The following DENND1B variants were observed in gnomAD, a reference collection of about 807,000 sequenced individuals.
The protein encoded by DENND1B is DENN domain containing 1B, also known as DENN domain-containing protein 1B.
Under a neutral mutation model 90.1 loss-of-function variants are expected in DENND1B, and 59 were observed. The observed-to-expected ratio is 0.65, with a 90% confidence interval of 0.53 to 0.81. The LOEUF (loss-of-function observed/expected upper bound fraction) is 0.81, where lower values mean the gene tolerates loss of function less well. Among genes scored for constraint, DENND1B ranks in the 40% least tolerant of loss-of-function variants. DENND1B has a pLI of 0.00. For missense variants in DENND1B, 862 were observed against 912.6 expected (o/e 0.94, Z 0.71); for synonymous variants, 337 against 324.6 (o/e 1.04, Z -0.41).
At chr1:197,529,995 G>A (rs1213426830) in intron 20 of DENND1B, among the ~76,000 whole-genome samples, 2 of 152,136 alleles carry the variant, frequency 1.3e-5, no homozygotes, top group African/African-American at 4.8e-5. Flanking sequence ...AGGGAAAAGG[G>A]TTGGGTTTTA....
rs1008494750 is a variant in DENND1B at position 197,509,874 on chromosome 1, C to G, written c.*586G>C. On this transcript the variant is annotated 3_prime_UTR_variant, in exon 23 of 23. Coordinates refer to ENST00000620048, the MANE Select transcript of DENND1B (RefSeq NM_001195215.2). ...TTTATATAAGCAAATTAAATATTTCCATTAAGAGAGCTTTTTAATCTTGAA... is the reference window on the plus strand; with the variant it reads ...TTTATATAAGCAAATTAAATATTTCGATTAAGAGAGCTTTTTAATCTTGAA... 6.6e-6 allele frequency: 1 copy of G among 151,930 alleles called. No individual in the cohort carries two copies. The highest frequency in any genetic ancestry group is 2.4e-5 in the African/African-American group (1 of 41,322). 9.4% of individuals were successfully genotyped at this position (151,930 alleles called of 1,614,324 possible).
chr1:197,511,997 G>A, intron 21 of DENND1B, 53 bp from the exon 22 acceptor site: 2 of 1,358,966 alleles, frequency 1.5e-6, no homozygotes, highest in Non-Finnish European at 2.0e-6. Context: ...TTTGCTGCAT[G>A]TAAGTAATCT....
chr1:197,666,499 TTTG>T (rs1384921071), intron 5 of DENND1B, among the ~76,000 whole-genome samples: 3 of 152,210 alleles, frequency 2.0e-5, no homozygotes, highest in African/African-American at 7.2e-5. Context: ...ATAAATTATT[TTTG>T]TTATCAGAAA....
chr1:197,534,193 T>A (rs1160978941), intron 20 of DENND1B, among the ~76,000 whole-genome samples: 2 of 152,220 alleles, frequency 1.3e-5, no homozygotes, highest in African/African-American at 4.8e-5. Flanking sequence ...AACATGACAG[T>A]GATGCTACTC....
chr1:197,635,161 A>G (rs1273241868), intron 10 of DENND1B, among the ~76,000 whole-genome samples: 2 of 152,246 alleles, frequency 1.3e-5, no homozygotes, highest in Non-Finnish European at 2.9e-5. Context: ...CTACTTGACA[A>G]AGATACACTT....
chr1:197,761,887 T>C (rs1655094255), intron 2 of DENND1B: 1 of 151,674 alleles, frequency 6.6e-6, no homozygotes, highest in Non-Finnish European at 1.5e-5. Context: ...TTACAGTTTG[T>C]GGTTTTTCAA....
intron 3 of DENND1B, among the ~76,000 whole-genome samples, chr1:197,683,845 A>G (rs924671743): frequency 1.3e-5 from 2 of 152,222 alleles, no homozygotes; most frequent in African/African-American, 4.8e-5. Context: ...TATAATCACA[A>G]TATGTGATTG....
chr1:197,577,290 A>G (rs900672415), intron 15 of DENND1B, among the ~76,000 whole-genome samples: 5 of 152,202 alleles, frequency 3.3e-5, no homozygotes, highest in African/African-American at 1.2e-4. Flanking sequence ...TGCCATAGCT[A>G]CATTGCGGTA....
At chr1:197,654,681 CT>C (rs1425057383) in intron 6 of DENND1B, among the ~76,000 whole-genome samples, 1 of 151,862 alleles carries the variant, frequency 6.6e-6, no homozygotes, top group Non-Finnish European at 1.5e-5. Context: ...GTCCAGTTAC[CT>C]TTGTATTACC....
At chr1:197,633,353 A>G (rs574479419) in intron 10 of DENND1B, among the ~76,000 whole-genome samples, 2 of 152,176 alleles carry the variant, frequency 1.3e-5, no homozygotes, top group Admixed American at 1.3e-4. Flanking sequence ...CTCAGCTCCA[A>G]ATCTGCCCCT....
intron 2 of DENND1B, among the ~76,000 whole-genome samples, chr1:197,728,159 C>G (rs1661822575): frequency 6.6e-6 from 1 of 152,156 alleles, no homozygotes; most frequent in African/African-American, 2.4e-5. Context: ...TGACCCTTCA[C>G]CCCACCCAAT....
chr1:197,528,086 G>T (rs1669275841), intron 20 of DENND1B, among the ~76,000 whole-genome samples: 1 of 151,992 alleles, frequency 6.6e-6, no homozygotes, highest in Non-Finnish European at 1.5e-5. Flanking sequence ...CACCCTACTA[G>T]GTGTGGACAT....
At chr1:197,626,805 G>A (rs1388583744) in intron 10 of DENND1B, among the ~76,000 whole-genome samples, 2 of 151,878 alleles carry the variant, frequency 1.3e-5, no homozygotes, top group African/African-American at 4.8e-5. Flanking sequence ...GAAGAAAAGA[G>A]AGAAGAATCA....
In DENND1B at chr1:197,755,813, G is replaced by A. The variant is rs1455805001; in HGVS notation, c.82+17055C>T. Among the ~76,000 whole-genome samples the A allele has an allele frequency of 5.9e-5, 9 of 152,208 alleles. No individual in the cohort carries two copies. In the South Asian group the frequency reaches 1.0e-3, roughly 18 times the overall value. ...GAGCAAGCTTGTGCAGAGAACTCCC[G>A]TTTTTAAAACCATCAGATCCTGTGA... On this transcript the variant is annotated intron_variant, in intron 2 of 22. Coordinates refer to ENST00000620048, the MANE Select transcript of DENND1B (RefSeq NM_001195215.2).
intron 2 of DENND1B, 90 bp downstream of exon 2, chr1:197,772,778 T>C: frequency 1.7e-6 from 2 of 1,150,608 alleles, no homozygotes; most frequent in Admixed American, 5.0e-5. Flanking sequence ...TGAGCCCTGA[T>C]CATGCCACTG....
intron 20 of DENND1B, among the ~76,000 whole-genome samples, chr1:197,519,198 A>G (rs1668602114): frequency 6.6e-6 from 1 of 151,900 alleles, no homozygotes. Context: ...GGGTTTCCAT[A>G]TTAATTAATG....
chr1:197,639,193 A>G (rs2125912929), intron 10 of DENND1B, among the ~76,000 whole-genome samples: 1 of 151,864 alleles, frequency 6.6e-6, no homozygotes, highest in East Asian at 1.9e-4. Context: ...CCTCCCGAGT[A>G]GCTGGGACTA....
At chr1:197,598,781 T>C (rs1454299907) in intron 13 of DENND1B, among the ~76,000 whole-genome samples, 2 of 151,796 alleles carry the variant, frequency 1.3e-5, no homozygotes, top group Non-Finnish European at 2.9e-5. Context: ...CAACCTCCAA[T>C]GGCTAAGAAT....
At chr1:197,776,455 A>G (rs1657273675), upstream of DENND1B, among the ~76,000 whole-genome samples, 1 of 152,236 alleles carries the variant, frequency 6.6e-6, no homozygotes, top group Non-Finnish European at 1.5e-5. Flanking sequence ...GTGGAAGGCC[A>G]GGCTCTTACA....
Sources: gnomAD v4.1 joint callset for allele counts (sites outside exome capture counted in the v4.1 genomes callset) on GRCh38, gnomAD v4.1.1 for gene constraint, MANE v1.5 for transcripts, NCBI Gene and HGNC (gene_info 2026-07-23, HGNC 2026-07-21) for gene names.